The following HECTD4 variants were observed in gnomAD, a reference collection of about 807,000 sequenced individuals.
HECTD4 encodes the protein probable E3 ubiquitin-protein ligase HECTD4.
A neutral mutation model predicts 471.5 loss-of-function variants in HECTD4; 114 were observed. That is an observed-to-expected ratio of 0.24 (90% CI 0.21 to 0.28). The LOEUF is 0.28. Ranked by LOEUF, HECTD4 falls within the 10% of genes least tolerant of loss-of-function variation. The pLI is 1.00. For missense variants in HECTD4, 3,866 were observed against 5,651.5 expected (o/e 0.68, Z 10.13); for synonymous variants, 2,012 against 2,256.0 (o/e 0.89, Z 3.07).
chr12:112,381,332 G>A lies in HECTD4; in HGVS notation c.177+620C>T, dbSNP rs1256596556. 6.6e-6 allele frequency among the ~76,000 whole-genome samples: 1 copy of A among 152,120 alleles called. No individual in the cohort carries two copies. Among genetic ancestry groups the A allele is most frequent in the Non-Finnish European group, 1.5e-5 (1 of 68,022 alleles). On this transcript the variant is annotated intron_variant, in intron 1 of 75. Coordinates refer to ENST00000682272, the MANE Select transcript of HECTD4 (RefSeq NM_001388303.1). This position sits in a 1 kb window ranked among gnomAD's most constrained non-coding sequence, Gnocchi z 4.1. ...ACCCTTCCCCGAGAGTGCATGGAGG[G>A]CCGCTGGAGCATCCCTCTCGCTGTC...
At position 112,163,473 on chromosome 12, in the gene HECTD4, T is replaced by A; in HGVS notation, c.12897+69A>T. 9.0e-6 allele frequency: 12 copies of A among 1,328,522 alleles called. No homozygotes were observed. Among genetic ancestry groups the A allele is most frequent in the Non-Finnish European group, 1.2e-5 (12 of 989,658 alleles). The allele number at this position is 1,328,522 out of a possible 1,614,324, so 82.3% of individuals were successfully genotyped here. A position where few individuals can be genotyped will look rare whatever the true frequency, so the allele number is the denominator to read the frequency against. On this transcript the variant is annotated intron_variant, in intron 74 of 75. Coordinates refer to ENST00000682272, the MANE Select transcript of HECTD4 (RefSeq NM_001388303.1). The surrounding 1 kb of genome is among the most constrained non-coding windows in gnomAD (Gnocchi z 8.2). Reference sequence around the variant, plus strand: ...CCACTGCCGATGCCTGCTGCTGGAGTTGAGGGTGACAGGGAGGCACGCCTG... The same window carrying A: ...CCACTGCCGATGCCTGCTGCTGGAGATGAGGGTGACAGGGAGGCACGCCTG...
Position 112,319,165 on chromosome 12 carries a change from CACCCA to C in HECTD4, c.695+55_695+59del. 6.7e-7 allele frequency: 1 copy of C among 1,495,686 alleles called. No individual in the cohort carries two copies. Among genetic ancestry groups the C allele is most frequent in the Non-Finnish European group, 8.9e-7 (1 of 1,118,994 alleles). 92.7% of individuals were successfully genotyped at this position (1,495,686 alleles called of 1,614,324 possible). ...AAATATACTTGGCCTCTTCTTCATT[CACCCA>C]ACCCAGGTGGCAGTAGTCACAAGGT... On this transcript the variant is annotated intron_variant, in intron 2 of 75. Transcript: ENST00000682272. The surrounding 1 kb of genome is among the most constrained non-coding windows in gnomAD (Gnocchi z 5.3).
At chr12:112,360,820 C>G (rs1303170969) in intron 1 of HECTD4, among the ~76,000 whole-genome samples, 1 of 151,992 alleles carries the variant, frequency 6.6e-6, no homozygotes. Flanking sequence ...CCCATCTCTA[C>G]TAAAAATATA....
intron 67 of HECTD4, 54 bp downstream of exon 67, chr12:112,172,617 T>C: frequency 6.5e-7 from 1 of 1,538,698 alleles, no homozygotes; most frequent in East Asian, 2.3e-5. Context: ...CCCCTTGTCA[T>C]GGGGCATGCC....
At chr12:112,226,351 T>C in intron 44 of HECTD4, 1 of 253,216 alleles carries the variant, frequency 3.9e-6, no homozygotes, top group Non-Finnish European at 7.5e-6. Flanking sequence ...CTAAATATTA[T>C]AGTTCTAATA....
intron 17 of HECTD4, among the ~76,000 whole-genome samples, chr12:112,263,823 T>C (rs763013690): frequency 5.3e-5 from 8 of 151,922 alleles, no homozygotes; most frequent in Non-Finnish European, 7.4e-5. Context: ...CCATATTTTA[T>C]AGTTCTTAAA....
At position 112,162,307 on chromosome 12, in the gene HECTD4, AG is replaced by A; in HGVS notation, c.*79del. On this transcript the variant is annotated 3_prime_UTR_variant, in exon 76 of 76. Coordinates refer to ENST00000682272, the MANE Select transcript of HECTD4 (RefSeq NM_001388303.1). The surrounding 1 kb of genome is among the most constrained non-coding windows in gnomAD (Gnocchi z 5.2). ...GCCAACTCCTCACGCAGGGCCCTGG[AG>A]GGACGGGCCGCAGTGGTGGCTTCCC... The A allele has an allele frequency of 6.4e-7, 1 of 1,557,596 alleles. No individual in the cohort carries two copies. Among genetic ancestry groups the A allele is most frequent in the Non-Finnish European group, 8.8e-7 (1 of 1,132,544 alleles).
At chr12:112,223,188 A>T (rs2033146055) in intron 44 of HECTD4, among the ~76,000 whole-genome samples, 1 of 152,208 alleles carries the variant, frequency 6.6e-6, no homozygotes, top group South Asian at 2.1e-4. Flanking sequence ...GCTTCCCAGG[A>T]GTTCTGAGGA....
chr12:112,277,858 G>A (rs896527201), intron 9 of HECTD4, among the ~76,000 whole-genome samples: 35 of 152,122 alleles, frequency 2.3e-4, no homozygotes, highest in African/African-American at 8.4e-4. Context: ...ATAATCATCT[G>A]CACATTTTTT....
In HECTD4 at chr12:112,179,968, C is replaced by T. The variant is rs553160994; in HGVS notation, c.10988-571G>A. Reference sequence around the variant, plus strand: ...GAGATACAAAAAAACTGTCTATAAGCACCAGAAAAAATATTTTTTTGTCCC... The same window carrying T: ...GAGATACAAAAAAACTGTCTATAAGTACCAGAAAAAATATTTTTTTGTCCC... On this transcript the variant is annotated intron_variant, in intron 62 of 75. Transcript: ENST00000682272. The surrounding 1 kb of genome is among the most constrained non-coding windows in gnomAD (Gnocchi z 4.3). Among the ~76,000 whole-genome samples, 2 of 152,228 alleles carry T rather than the reference C, an allele frequency of 1.3e-5. No individual in the cohort carries two copies. The highest frequency in any genetic ancestry group is 4.8e-5 in the African/African-American group (2 of 41,456).
Position 112,230,778 on chromosome 12 carries a change from C to T in HECTD4, c.6245G>A (p.Ser2082Asn). ...RPFISGHVAN[S>N]MAAEVIALLH... is the part of the protein sequence containing the mutation. The stretch of plus-strand genomic sequence containing the variant: ...CAAGGCGATCACTTCTGCAGCCATG[C>T]TGTTTGCCACATGCCCACTGATGAA... The change falls in exon 40 of 76, where the codon AGC becomes AAC. Residue 2082 changes from serine to asparagine, a missense_variant. By Grantham distance (46) the Ser-to-Asn change is conservative. Coordinates refer to ENST00000682272, the MANE Select transcript of HECTD4 (RefSeq NM_001388303.1). 1 of 1,610,920 alleles carries T rather than the reference C, an allele frequency of 6.2e-7. No individual in the cohort carries two copies. The highest frequency in any genetic ancestry group is 1.7e-5 in the Admixed American group (1 of 59,510).
At chr12:112,270,733 T>A (rs1410686006) in intron 11 of HECTD4, among the ~76,000 whole-genome samples, 2 of 152,194 alleles carry the variant, frequency 1.3e-5, no homozygotes, top group African/African-American at 4.8e-5. Context: ...GGTTCTCAAC[T>A]TAGACTATTT....
chr12:112,368,254 A>G (rs544359012), intron 1 of HECTD4, among the ~76,000 whole-genome samples: 1 of 152,294 alleles, frequency 6.6e-6, no homozygotes, highest in Non-Finnish European at 1.5e-5. Context: ...TTATTCACCA[A>G]ATGTGCTTAA....
intron 1 of HECTD4, among the ~76,000 whole-genome samples, chr12:112,351,019 A>C (rs1033733880): frequency 1.3e-5 from 2 of 152,168 alleles, no homozygotes; most frequent in African/African-American, 4.8e-5. Flanking sequence ...CATCACTTTC[A>C]TTCAAAATGT....
At chr12:112,242,184 GGTT>G (rs2033656250) in intron 32 of HECTD4, among the ~76,000 whole-genome samples, 2 of 152,152 alleles carry the variant, frequency 1.3e-5, no homozygotes, top group South Asian at 4.1e-4. Flanking sequence ...GGCAGAAGGA[GGTT>G]GTTAATGCAA....
intron 7 of HECTD4, among the ~76,000 whole-genome samples, chr12:112,288,449 C>CA (rs140682620): frequency 0.012 from 1,873 of 151,966 alleles, 44 homozygotes; most frequent in African/African-American, 0.043. Flanking sequence ...TGGCAAAACT[C>CA]AGTCTATAAA....
chr12:112,368,053 G>A (rs954984128), intron 1 of HECTD4, among the ~76,000 whole-genome samples: 3 of 152,086 alleles, frequency 2.0e-5, no homozygotes, highest in African/African-American at 4.8e-5. Flanking sequence ...CTTGAATGCC[G>A]AATCTGTAGT....
At position 112,207,331 on chromosome 12, in the gene HECTD4, T is replaced by C. The variant is rs1306268070; in HGVS notation, c.8131+543A>G. Among the ~76,000 whole-genome samples, 3 of 152,068 alleles carry C rather than the reference T, an allele frequency of 2.0e-5. No homozygotes were observed. The East Asian group carries it at 5.8e-4, about 29-fold the overall frequency. ...GCTAATTTTGCATTTTTAGTAGAGA[T>C]GGGGTTTCGCCATGTTGGCCAGGCT... On this transcript the variant is annotated intron_variant, in intron 52 of 75. Transcript: ENST00000682272.
At chr12:112,164,371 G>A (rs2030838185) in intron 72 of HECTD4, 96 bp from the exon 73 acceptor site, 1 of 1,336,140 alleles carries the variant, frequency 7.5e-7, no homozygotes, top group African/African-American at 1.4e-5. Context: ...GCAGCTGGTG[G>A]GGTCTACCCT....
Sources: gnomAD v4.1 joint callset for allele counts (sites outside exome capture counted in the v4.1 genomes callset) on GRCh38, gnomAD v4.1.1 for gene constraint, Gnocchi (gnomAD v3.1) non-coding constraint, MANE v1.5 for transcripts, NCBI Gene and HGNC (gene_info 2026-07-23, HGNC 2026-07-21) for gene names.